PRLR: variants seen among roughly 807,000 people sequenced by gnomAD.
PRLR encodes the protein hPRL receptor.
In PRLR, 13 loss-of-function variants were observed where a neutral mutation model predicts 40.2. The observed-to-expected ratio is 0.32, with a 90% CI of 0.21 to 0.51. The LOEUF (loss-of-function observed/expected upper bound fraction) is 0.51. PRLR is among the 20% of genes least tolerant of loss of function. PRLR has a pLI of 0.97. For missense variants in PRLR, 656 were observed against 747.3 expected (o/e 0.88, Z 1.42); for synonymous variants, 269 against 278.7 (o/e 0.97, Z 0.35).
At chr5:35,122,191 C>T (rs1023188492) in intron 1 of PRLR, among the ~76,000 whole-genome samples, 1 of 152,044 alleles carries the variant, frequency 6.6e-6, no homozygotes, top group African/African-American at 2.4e-5. Context: ...CACACCAGAA[C>T]CACAGGTATA....
chr5:35,138,960 G>A (rs1466883502), intron 1 of PRLR, among the ~76,000 whole-genome samples: 1 of 152,110 alleles, frequency 6.6e-6, no homozygotes, highest in Non-Finnish European at 1.5e-5. Context: ...GGACTGAGGG[G>A]TAGGAGAAAG....
chr5:35,049,700 A>G (rs1413414973), intron 8 of PRLR, among the ~76,000 whole-genome samples: 1 of 152,114 alleles, frequency 6.6e-6, no homozygotes, highest in Admixed American at 6.5e-5. Context: ...TTTTTGTTTA[A>G]TAAGTTCCTT....
downstream of PRLR, among the ~76,000 whole-genome samples, chr5:35,052,568 C>T (rs1768531844): frequency 6.6e-6 from 1 of 152,140 alleles, no homozygotes; most frequent in Non-Finnish European, 1.5e-5. Flanking sequence ...ATCTCACTTC[C>T]CCAAGGCAGG....
At chr5:35,170,303 CT>C (rs1478514594) in intron 1 of PRLR, among the ~76,000 whole-genome samples, 1 of 152,128 alleles carries the variant, frequency 6.6e-6, no homozygotes, top group African/African-American at 2.4e-5. Context: ...TATCATATGC[CT>C]TAAGCAAAGG....
At chr5:35,104,916 G>A (rs962055262) in intron 2 of PRLR, among the ~76,000 whole-genome samples, 2 of 152,240 alleles carry the variant, frequency 1.3e-5, no homozygotes, top group African/African-American at 4.8e-5. Flanking sequence ...CAGACAGACT[G>A]CCTCCTCAAG....
At chr5:35,188,643 G>C (rs1775513005) in intron 1 of PRLR, among the ~76,000 whole-genome samples, 1 of 152,156 alleles carries the variant, frequency 6.6e-6, no homozygotes, top group Admixed American at 6.5e-5. Flanking sequence ...TTTTAGCTAG[G>C]AGTATTATTC....
intron 1 of PRLR, among the ~76,000 whole-genome samples, chr5:35,226,824 C>T (rs1235870618): frequency 6.6e-6 from 1 of 152,202 alleles, no homozygotes; most frequent in Non-Finnish European, 1.5e-5. Context: ...TGTTTTCTGT[C>T]ACTCTCTCTG....
At chr5:35,100,453 A>T (rs249526) in intron 2 of PRLR, among the ~76,000 whole-genome samples, 8,507 of 152,190 alleles carry the variant, frequency 0.056, 564 homozygotes, top group East Asian at 0.18. Context: ...GTACCATTTT[A>T]AAAAATCTTT....
rs141445730 is a variant in PRLR at position 35,184,102 on chromosome 5, A to C, written c.-106+46166T>G. Among the ~76,000 whole-genome samples the C allele has an allele frequency of 5.8e-3, 891 of 152,336 alleles. 10 individuals carry two copies. The highest frequency in any genetic ancestry group is 0.021 in the African/African-American group (854 of 41,562). On this transcript the variant is annotated intron_variant, in intron 1 of 9. Coordinates refer to ENST00000618457, the MANE Select transcript of PRLR (RefSeq NM_000949.7). ...TTTAGATTCCTGGGATGATATAAAGAATTCCTGATAATTGGAATAACTGGA... is the reference window on the plus strand; with the variant it reads ...TTTAGATTCCTGGGATGATATAAAGCATTCCTGATAATTGGAATAACTGGA...
intron 1 of PRLR, among the ~76,000 whole-genome samples, chr5:35,182,616 A>C (rs1775323365): frequency 6.6e-6 from 1 of 152,046 alleles, no homozygotes; most frequent in South Asian, 2.1e-4. Context: ...CATTTTGCTC[A>C]ACAGCAGGAG....
intron 1 of PRLR, among the ~76,000 whole-genome samples, chr5:35,194,098 C>T (rs1428750432): frequency 6.6e-6 from 1 of 152,144 alleles, no homozygotes; most frequent in African/African-American, 2.4e-5. Context: ...AAATAAGCAA[C>T]CAGCTCACAA....
chr5:35,122,542 A>C lies in PRLR; in HGVS notation c.-105-4420T>G, dbSNP rs1773326151. ...CCTGAGCTCTTTCTTGTTTACTGAC[A>C]TTAGCCCAAGGTTAGTCTTTTGTCC... On this transcript the variant is annotated intron_variant, in intron 1 of 9. Coordinates refer to ENST00000618457, the MANE Select transcript of PRLR (RefSeq NM_000949.7). Among the ~76,000 whole-genome samples the C allele has an allele frequency of 2.0e-5, 3 of 152,212 alleles. No homozygotes were observed. In the South Asian group the frequency reaches 6.2e-4, roughly 32 times the overall value.
intron 5 of PRLR, among the ~76,000 whole-genome samples, chr5:35,079,699 T>G (rs1770371995): frequency 6.6e-6 from 1 of 152,186 alleles, no homozygotes; most frequent in Admixed American, 6.5e-5. Flanking sequence ...CTAAAGTTCA[T>G]GTGGGACCAA....
intron 4 of PRLR, 89 bp from the exon 5 acceptor site, chr5:35,084,728 G>A (rs2112456737): frequency 7.8e-7 from 1 of 1,285,350 alleles, no homozygotes; most frequent in African/African-American, 1.6e-5. Context: ...CTGGCCTTTG[G>A]GTATCAGAAA....
intron 3 of PRLR, among the ~76,000 whole-genome samples, chr5:35,088,614 A>C (rs956400088): frequency 6.6e-6 from 1 of 152,192 alleles, no homozygotes; most frequent in African/African-American, 2.4e-5. Context: ...GTAAAATTAC[A>C]ATTAGACAAA....
intron 2 of PRLR, among the ~76,000 whole-genome samples, chr5:35,110,695 C>G (rs1401741636): frequency 6.6e-6 from 1 of 152,172 alleles, no homozygotes; most frequent in Non-Finnish European, 1.5e-5. Flanking sequence ...GGAATCTTAG[C>G]CTTCCCACCA....
At chr5:35,154,021 A>G (rs1228820002) in intron 1 of PRLR, among the ~76,000 whole-genome samples, 1 of 152,236 alleles carries the variant, frequency 6.6e-6, no homozygotes, top group South Asian at 2.1e-4. Flanking sequence ...TGGTTTTGAT[A>G]ATAATTTTCT....
rs192761536 is a variant in PRLR at position 35,144,733 on chromosome 5, C to T, written c.-105-26611G>A. Among the ~76,000 whole-genome samples, 138 of 152,138 alleles carry T rather than the reference C, an allele frequency of 9.1e-4. 1 individual carries two copies. Among genetic ancestry groups the T allele is most frequent in the Admixed American group, 6.9e-3 (106 of 15,268 alleles). On this transcript the variant is annotated intron_variant, in intron 1 of 9. Coordinates refer to ENST00000618457, the MANE Select transcript of PRLR (RefSeq NM_000949.7). ...CCACCTTGGCCTCCCAAAGTTCCTC[C>T]AATTACAGGCATGGGCCACCGCACC... is the stretch of plus-strand genomic sequence containing the variant.
intron 1 of PRLR, among the ~76,000 whole-genome samples, chr5:35,165,977 G>A (rs1439236136): frequency 2.6e-5 from 4 of 152,116 alleles, no homozygotes; most frequent in Admixed American, 2.6e-4. Flanking sequence ...CCATTTGGTT[G>A]ATAGTAATAG....
Sources: allele counts gnomAD v4.1 joint callset (sites outside exome capture counted in the v4.1 genomes callset), GRCh38; gene constraint gnomAD v4.1.1; transcripts MANE v1.5; gene names NCBI Gene and HGNC (gene_info 2026-07-23, HGNC 2026-07-21).